VAX1: variants seen among roughly 807,000 people sequenced by gnomAD.
VAX1 encodes ventral anterior homeobox 1.
Under a neutral mutation model 17.6 loss-of-function variants are expected in VAX1, and 6 were observed. That is an observed-to-expected ratio of 0.34 (90% CI 0.19 to 0.67). The LOEUF (loss-of-function observed/expected upper bound fraction) is 0.67. Ranked by LOEUF, VAX1 falls within the 30% of genes least tolerant of loss-of-function variation. VAX1 has a pLI of 0.69. For missense variants in VAX1, 408 were observed against 463.7 expected, an observed-to-expected ratio of 0.88 and a Z score of 1.10; for synonymous variants, 256 against 227.4, an observed-to-expected ratio of 1.13 and a Z score of -1.13.
rs960718655 is a variant in VAX1, at chr10:117,134,313, G to GGGCGGC, written c.694_699dup (p.Ala232_Ala233dup). 6.5e-6 allele frequency: 7 copies of GGGCGGC among 1,071,408 alleles called. No individual in the cohort carries two copies. Among genetic ancestry groups the GGGCGGC allele is most frequent in the African/African-American group, 5.1e-5 (3 of 58,678 alleles). 66.4% of individuals were successfully genotyped at this position (1,071,408 alleles called of 1,614,324 possible). A position where few individuals can be genotyped will look rare whatever the true frequency, so the allele number is the denominator to read the frequency against. ...GGGGATGCAGCGCCCGCTGGGCCCG[G>GGGCGGC]GGCGGCGGCGGCGGCTGCGGCGGCC... On this transcript the variant is annotated inframe_insertion, in exon 3 of 3. Coordinates refer to ENST00000369206, the MANE Select transcript of VAX1 (RefSeq NM_001112704.2). The surrounding 1 kb of genome is among the most constrained non-coding windows in gnomAD (Gnocchi z 6.2).
At chr10:117,131,202 G>C (rs1854078663), downstream of VAX1, 1 of 153,338 alleles carries the variant, frequency 6.5e-6, no homozygotes, top group Admixed American at 6.5e-5. Context: ...AGGGAGACAG[G>C]GGGAACGAGA....
chr10:117,134,400 G>C lies in VAX1; in HGVS notation c.613C>G (p.Leu205Val), dbSNP rs1040112444. 16 of 1,471,436 alleles carry C rather than the reference G, an allele frequency of 1.1e-5. No homozygotes were observed. In the African/African-American group the frequency reaches 2.2e-4, roughly 20 times the overall value. The allele number at this position is 1,471,436 out of a possible 1,614,324, so 91.1% of individuals were successfully genotyped here. The change falls in exon 3 of 3, where the codon CTC (leucine) becomes GTC (valine). Residue 205 changes from leucine to valine, a missense_variant. Leu to Val is a conservative substitution (Grantham distance 32, BLOSUM62 1). This residue lies in a region of VAX1 where 196 missense variants were observed against 218.7 expected (regional missense o/e 0.90). Coordinates refer to ENST00000369206, the MANE Select transcript of VAX1 (RefSeq NM_001112704.2). This position sits in a 1 kb window ranked among gnomAD's most constrained non-coding sequence, Gnocchi z 6.2. ...CTGGGCCCGCGCAGCGCTGAGCCGA[G>C]AGCGCCCGTGGCGCAAGGCGGCAGC... Reference protein sequence around the residue: ...ALLPPCATGALGSALRGPSLP... With the variant: ...ALLPPCATGAVGSALRGPSLP...
downstream of VAX1, chr10:117,133,153 C>G (rs1257406011): frequency 2.3e-6 from 1 of 442,054 alleles, no homozygotes; most frequent in Admixed American, 6.4e-5. Flanking sequence ...GCTTTTCCCC[C>G]ATTAAATTCC....
chr10:117,133,151 C>G, downstream of VAX1: 1 of 434,628 alleles, frequency 2.3e-6, no homozygotes, highest in African/African-American at 2.1e-5. Context: ...TTGCTTTTCC[C>G]CCATTAAATT....
At chr10:117,135,410 G>T (rs1186587127) in intron 2 of VAX1, among the ~76,000 whole-genome samples, 1 of 152,176 alleles carries the variant, frequency 6.6e-6, no homozygotes, top group Non-Finnish European at 1.5e-5. Flanking sequence ...TCATTCTTCT[G>T]CCCCTCTGCA....
At position 117,136,622 on chromosome 10, in the gene VAX1, C is replaced by G. The variant is rs1330216367; in HGVS notation, c.279G>C (p.Lys93Asn). Reference protein sequence around the residue: ...KGSIREIILPKGLDLDRPKRT... With the variant: ...KGSIREIILPNGLDLDRPKRT... ...TCTTAGGCCGGTCCAAGTCCAGGCC[C>G]TTGGGCAGGATGATCTCTCGGATGG... The change falls in exon 2 of 3, where the codon AAG (lysine) becomes AAC (asparagine). Residue 93 changes from lysine to asparagine, a missense_variant. Lys to Asn is a moderately conservative substitution (Grantham distance 94, BLOSUM62 0). Transcript: ENST00000369206. The surrounding 1 kb of genome is among the most constrained non-coding windows in gnomAD (Gnocchi z 5.0). 1 of 1,611,564 alleles carries G rather than the reference C, an allele frequency of 6.2e-7. No individual in the cohort carries two copies. Among genetic ancestry groups the G allele is most frequent in the East Asian group, 2.2e-5 (1 of 44,738 alleles).
chr10:117,130,744 T>G (rs1052222559), downstream of VAX1: 3 of 152,256 alleles, frequency 2.0e-5, no homozygotes, highest in African/African-American at 7.2e-5. Context: ...TCTTTTTCTA[T>G]GCAGAAGAGG....
rs1854218381 is a variant in VAX1, at chr10:117,138,029, C to G, written c.28G>C (p.Val10Leu). The G allele has an allele frequency of 6.3e-7, 1 of 1,595,528 alleles. No homozygotes were observed. The highest frequency in any genetic ancestry group is 8.5e-7 in the Non-Finnish European group (1 of 1,174,064). ...GCCTCGGCGTCCGAGTGGCATCGAACGTCCATTTTGTCTGGTTTCCCGAAC... is the reference window on the plus strand; with the variant it reads ...GCCTCGGCGTCCGAGTGGCATCGAAGGTCCATTTTGTCTGGTTTCCCGAAC... MFGKPDKMDVRCHSDAEAAR... is the reference protein window; with the variant it reads MFGKPDKMDLRCHSDAEAAR... Residue 10 changes from valine to leucine, a missense_variant, in exon 1 of 3, where the codon GTT (valine) becomes CTT (leucine). This residue lies in a region of VAX1 where 133 missense variants were observed against 112.0 expected (regional missense o/e 1.19). Coordinates refer to ENST00000369206, the MANE Select transcript of VAX1 (RefSeq NM_001112704.2).
chr10:117,134,225 G>A lies in VAX1; in HGVS notation c.788C>T (p.Ala263Val), dbSNP rs1243574513. The change falls in exon 3 of 3, where the codon GCA becomes GTA. Residue 263 changes from alanine (A) to valine (V), a missense_variant. Ala to Val is a moderately conservative substitution (Grantham distance 64, BLOSUM62 0). This residue lies in a region of VAX1 where 196 missense variants were observed against 218.7 expected (regional missense o/e 0.90). Transcript: ENST00000369206. The surrounding 1 kb of genome is among the most constrained non-coding windows in gnomAD (Gnocchi z 6.2). Reference sequence around the variant, plus strand: ...GCTGTGGCCCGCGGCCGGGGCGCCTGCGTGCAATCCCCCCGGCCCGGCGGG... The same window carrying A: ...GCTGTGGCCCGCGGCCGGGGCGCCTACGTGCAATCCCCCCGGCCCGGCGGG... ...PGPAGPGGLH[A>V]GAPAAGHSLF... 6.9e-7 allele frequency: 1 copy of A among 1,452,468 alleles called. No individual in the cohort carries two copies. The highest frequency in any genetic ancestry group is 9.0e-7 in the Non-Finnish European group (1 of 1,110,970). The allele number at this position is 1,452,468 out of a possible 1,614,324, so 90.0% of individuals were successfully genotyped here. A position where few individuals can be genotyped will look rare whatever the true frequency, so the allele number is the denominator to read the frequency against.
In VAX1 at chr10:117,136,328, G is replaced by T; in HGVS notation, c.429+144C>A. On this transcript the variant is annotated intron_variant, in intron 2 of 2. Coordinates refer to ENST00000369206, the MANE Select transcript of VAX1 (RefSeq NM_001112704.2). This position sits in a 1 kb window ranked among gnomAD's most constrained non-coding sequence, Gnocchi z 5.0. ...ATTATCTAGGGGAAGGAATCCTTAG[G>T]CCTGTCTTACCCATCCTTCCCATCT... 1 of 930,946 alleles carries T rather than the reference G, an allele frequency of 1.1e-6. No homozygotes were observed. The highest frequency in any genetic ancestry group is 1.6e-6 in the Non-Finnish European group (1 of 635,698). The allele number at this position is 930,946 out of a possible 1,614,324, so 57.7% of individuals were successfully genotyped here.
At chr10:117,131,560 C>A (rs1316446224), downstream of VAX1, 1 of 152,318 alleles carries the variant, frequency 6.6e-6, no homozygotes, top group Non-Finnish European at 1.5e-5. Flanking sequence ...TGGCTAGGGC[C>A]GGTGCCGCAC....
downstream of VAX1, chr10:117,132,187 G>A (rs758882168): frequency 5.0e-6 from 8 of 1,601,544 alleles, no homozygotes; most frequent in South Asian, 4.5e-5. The surrounding 1 kb of genome is among the most constrained non-coding windows in gnomAD (Gnocchi z 4.9). Flanking sequence ...GGCGCTCACG[G>A]TACCAGTCGC....
At chr10:117,131,741 A>G, downstream of VAX1, 1 of 155,580 alleles carries the variant, frequency 6.4e-6, no homozygotes, top group South Asian at 2.0e-4. Flanking sequence ...TGCAACGTCT[A>G]CACCCGTCAC....
chr10:117,138,117 G>C lies in VAX1; in HGVS notation c.-61C>G, dbSNP rs1161601584. 2 of 337,270 alleles carry C rather than the reference G, an allele frequency of 5.9e-6. No individual in the cohort carries two copies. Among genetic ancestry groups the C allele is most frequent in the South Asian group, 4.6e-5 (2 of 43,722 alleles). 20.9% of individuals were successfully genotyped at this position (337,270 alleles called of 1,614,324 possible). Reference sequence around the variant, plus strand: ...AAAGCAAAAAAAAAAAAAAGGGGGGGGGGCGGAGAAGGAAAAAAAAAAGAG... The same window carrying C: ...AAAGCAAAAAAAAAAAAAAGGGGGGCGGGCGGAGAAGGAAAAAAAAAAGAG... On this transcript the variant is annotated 5_prime_UTR_variant, in exon 1 of 3. Transcript: ENST00000369206.
rs1174863456 is a variant in VAX1 at position 117,137,435 on chromosome 10, C to G, written c.241+381G>C. On this transcript the variant is annotated intron_variant, in intron 1 of 2. Coordinates refer to ENST00000369206, the MANE Select transcript of VAX1 (RefSeq NM_001112704.2). The surrounding 1 kb of genome is among the most constrained non-coding windows in gnomAD (Gnocchi z 7.4). ...TTCCCCCTTGGGTGCGCTCAGCCCT[C>G]CAGAGCGCGGGAGTCCCCTGGCCGG... Among the ~76,000 whole-genome samples, 1 of 152,220 alleles carries G rather than the reference C, an allele frequency of 6.6e-6. No individual in the cohort carries two copies. Among genetic ancestry groups the G allele is most frequent in the African/African-American group, 2.4e-5 (1 of 41,464 alleles).
downstream of VAX1, chr10:117,130,337 A>T (rs1379335671): frequency 6.6e-6 from 1 of 152,256 alleles, no homozygotes; most frequent in Non-Finnish European, 1.5e-5. Flanking sequence ...GCAAGTGTGG[A>T]TAGGAGCATG....
chr10:117,137,875 T>G lies in VAX1; in HGVS notation c.182A>C (p.Asn61Thr), dbSNP rs1854212343. 4 of 1,613,596 alleles carry G rather than the reference T, an allele frequency of 2.5e-6. No homozygotes were observed. Among genetic ancestry groups the G allele is most frequent in the Non-Finnish European group, 3.4e-6 (4 of 1,179,926 alleles). The stretch of plus-strand genomic sequence containing the variant: ...CGCTGCGGAATTGGATTTACTTTTG[T>G]TACAATCCTCAGCAGCGCCCGACGC... ...FSASGAAEDC[N>T]KSKSNSAADP... Residue 61 changes from asparagine to threonine, a missense_variant, in exon 1 of 3, where the codon AAC (asparagine) becomes ACC (threonine). Around this residue, in one of 4 missense-constraint regions of VAX1, gnomAD observed 133 missense variants for 112.0 expected, o/e 1.19. Transcript: ENST00000369206. This position sits in a 1 kb window ranked among gnomAD's most constrained non-coding sequence, Gnocchi z 7.4.
chr10:117,133,779 C>G lies in VAX1; in HGVS notation c.*229G>C. The stretch of plus-strand genomic sequence containing the variant: ...CAATTCTTTGGATCGCTCCTGGATT[C>G]AGAAGGAAGTTGGGGGTTGGGGAGG... On this transcript the variant is annotated 3_prime_UTR_variant, in exon 3 of 3. Coordinates refer to ENST00000369206, the MANE Select transcript of VAX1 (RefSeq NM_001112704.2). 7.7e-7 allele frequency: 1 copy of G among 1,301,330 alleles called. No homozygotes were observed. 80.6% of individuals were successfully genotyped at this position (1,301,330 alleles called of 1,614,324 possible).
At position 117,134,234 on chromosome 10, in the gene VAX1, C is replaced by T. The variant is rs1008630883; in HGVS notation, c.779G>A (p.Gly260Glu). 3.5e-6 allele frequency: 5 copies of T among 1,412,712 alleles called. No homozygotes were observed. The highest frequency in any genetic ancestry group is 3.1e-5 in the East Asian group (1 of 32,610). 87.5% of individuals were successfully genotyped at this position (1,412,712 alleles called of 1,614,324 possible). A position where few individuals can be genotyped will look rare whatever the true frequency, so the allele number is the denominator to read the frequency against. ...APGPGPAGPG[G>E]LHAGAPAAGH... ...CGCGGCCGGGGCGCCTGCGTGCAAT[C>T]CCCCCGGCCCGGCGGGCCCGGGACC... Residue 260 changes from glycine to glutamate, a missense_variant, in exon 3 of 3, where the codon GGA (glycine) becomes GAA (glutamate). By Grantham distance (98) the Gly-to-Glu change is moderately conservative (BLOSUM62 -2). Around this residue, in one of 4 missense-constraint regions of VAX1, gnomAD observed 196 missense variants for 218.7 expected, o/e 0.90. Transcript: ENST00000369206. This position sits in a 1 kb window ranked among gnomAD's most constrained non-coding sequence, Gnocchi z 6.2.
Sources: gnomAD v4.1 joint callset for allele counts (sites outside exome capture counted in the v4.1 genomes callset) on GRCh38, gnomAD v4.1.1 for gene constraint, gnomAD v4.1.1 regional missense constraint, Gnocchi (gnomAD v3.1) non-coding constraint, MANE v1.5 for transcripts, NCBI Gene and HGNC (gene_info 2026-07-23, HGNC 2026-07-21) for gene names.